The following ATXN10 variants were observed in gnomAD, a reference collection of about 807,000 sequenced individuals.
ATXN10 encodes ataxin-10.
Under a neutral mutation model 52.9 loss-of-function variants are expected in ATXN10, and 28 were observed. The ratio of observed to expected loss-of-function variants is 0.53; its 90% CI spans 0.39 to 0.73. The LOEUF is 0.73. Ranked by LOEUF, ATXN10 falls within the 30% of genes least tolerant of loss-of-function variation. The pLI, the probability that ATXN10 is intolerant of heterozygous loss-of-function variation, is 0.00. For synonymous variants in ATXN10, 226 were observed against 221.5 expected (o/e 1.02, Z -0.18); for missense variants, 565 against 577.0 (o/e 0.98, Z 0.21).
At chr22:45,760,094 A>C (rs1372147565) in intron 9 of ATXN10, among the ~76,000 whole-genome samples, 1 of 152,184 alleles carries the variant, frequency 6.6e-6, no homozygotes, top group Non-Finnish European at 1.5e-5. Context: ...CACAACGTGG[A>C]ACATCCTCCT....
In ATXN10 at chr22:45,775,271, G is replaced by T. The variant is rs1926910405; in HGVS notation, c.1174-31688G>T. ...GGAGGCTACTGGTCCTGGGCATGGG[G>T]CTGTGTCCCTGTCCCTGTGTTCACA... On this transcript the variant is annotated intron_variant, in intron 9 of 11. Coordinates refer to ENST00000252934, the MANE Select transcript of ATXN10 (RefSeq NM_013236.4). This position sits in a 1 kb window ranked among gnomAD's most constrained non-coding sequence, Gnocchi z 4.7. 1.3e-5 allele frequency among the ~76,000 whole-genome samples: 2 copies of T among 152,188 alleles called. No individual in the cohort carries two copies. The highest frequency in any genetic ancestry group is 4.8e-5 in the African/African-American group (2 of 41,450).
intron 7 of ATXN10, among the ~76,000 whole-genome samples, chr22:45,736,181 T>G (rs1366655510): frequency 1.3e-5 from 2 of 152,120 alleles, no homozygotes; most frequent in African/African-American, 4.8e-5. Flanking sequence ...AAGAAGAAAG[T>G]GTACTTATAC....
At position 45,718,617 on chromosome 22, in the gene ATXN10, T is replaced by C; in HGVS notation, c.728+124T>C. 1 of 911,610 alleles carries C rather than the reference T, an allele frequency of 1.1e-6. No homozygotes were observed. The highest frequency in any genetic ancestry group is 2.5e-5 in the East Asian group (1 of 40,004). 56.5% of individuals were successfully genotyped at this position (911,610 alleles called of 1,614,324 possible). On this transcript the variant is annotated intron_variant, in intron 6 of 11. Transcript: ENST00000252934. The surrounding 1 kb of genome is among the most constrained non-coding windows in gnomAD (Gnocchi z 4.4). Reference sequence around the variant, plus strand: ...AATCTCTAAATACATGTTTCTGTGTTGGTAATGGTTTTAAATTGGTTGGTT... The same window carrying C: ...AATCTCTAAATACATGTTTCTGTGTCGGTAATGGTTTTAAATTGGTTGGTT...
In ATXN10 at chr22:45,693,038, GT is replaced by G. The variant is rs774084163; in HGVS notation, c.354del (p.Arg119ValfsTer11). On this transcript the variant is annotated frameshift_variant, in exon 3 of 12. Transcript: ENST00000252934. LOFTEE classifies it high-confidence loss of function. The stretch of plus-strand genomic sequence containing the variant: ...GTGTTGCTGTTGATTTGATTCTTCT[GT>G]TTCGTGAACTGCGAGTGGAACAGGA... ...IGVAVDLILLFRELRVEQESL... is the reference protein window; with the variant it reads ...IGVAVDLILLXRELRVEQESL... The G allele has an allele frequency of 6.2e-7, 1 of 1,614,070 alleles. No individual in the cohort carries two copies. The highest frequency in any genetic ancestry group is 1.1e-5 in the South Asian group (1 of 91,072).
In ATXN10 at chr22:45,826,205, G is replaced by C. The variant is rs1465298316; in HGVS notation, c.1238-16786G>C. Among the ~76,000 whole-genome samples, 1 of 152,188 alleles carries C rather than the reference G, an allele frequency of 6.6e-6. No individual in the cohort carries two copies. The highest frequency in any genetic ancestry group is 1.5e-5 in the Non-Finnish European group (1 of 68,040). ...AATTTACTAGAAGGATTCGAAGACA[G>C]ATTTGAGCAGGGAGAAGGAAGCTAG... On this transcript the variant is annotated intron_variant, in intron 10 of 11. Transcript: ENST00000252934. This position sits in a 1 kb window ranked among gnomAD's most constrained non-coding sequence, Gnocchi z 5.0.
rs1423146293 is a variant in ATXN10 at position 45,805,379 on chromosome 22, C to T, written c.1174-1580C>T. 2.6e-5 allele frequency among the ~76,000 whole-genome samples: 4 copies of T among 152,168 alleles called. No individual in the cohort carries two copies. In the East Asian group the frequency reaches 7.7e-4, roughly 29 times the overall value. On this transcript the variant is annotated intron_variant, in intron 9 of 11. Transcript: ENST00000252934. This position sits in a 1 kb window ranked among gnomAD's most constrained non-coding sequence, Gnocchi z 4.4. ...ACCCAAGAACAATGAATACTTATAT[C>T]CACTCAAAAACATGTACATGCACAT...
At chr22:45,675,112 C>G (rs1423110590) in intron 1 of ATXN10, 2 of 152,198 alleles carry the variant, frequency 1.3e-5, no homozygotes, top group African/African-American at 2.4e-5. Context: ...TATTTAGGAC[C>G]TGTTATTAAA....
chr22:45,714,058 A>C (rs1275661140), intron 5 of ATXN10, among the ~76,000 whole-genome samples: 1 of 152,174 alleles, frequency 6.6e-6, no homozygotes, highest in Non-Finnish European at 1.5e-5. Flanking sequence ...TTTGACAAAC[A>C]CTTCAGGTTG....
chr22:45,797,533 A>G (rs763453727), intron 9 of ATXN10, among the ~76,000 whole-genome samples: 7 of 152,226 alleles, frequency 4.6e-5, no homozygotes, highest in Non-Finnish European at 8.8e-5. Flanking sequence ...TGGCATACCT[A>G]AATTGTAAGA....
chr22:45,748,015 G>A (rs9614513), intron 9 of ATXN10, among the ~76,000 whole-genome samples: 403 of 152,034 alleles, frequency 2.7e-3, no homozygotes, highest in Non-Finnish European at 4.9e-3. Flanking sequence ...CCTGGGCAAC[G>A]TAATAAGACC....
chr22:45,831,453 CA>C (rs1369968713), intron 10 of ATXN10, among the ~76,000 whole-genome samples: 7 of 152,092 alleles, frequency 4.6e-5, no homozygotes, highest in Admixed American at 2.0e-4. Context: ...AGATCCTCAT[CA>C]GGGGCCTGAG....
At position 45,842,930 on chromosome 22, in the gene ATXN10, T is replaced by A; in HGVS notation, c.1238-61T>A. On this transcript the variant is annotated intron_variant, in intron 10 of 11. Transcript: ENST00000252934. This position sits in a 1 kb window ranked among gnomAD's most constrained non-coding sequence, Gnocchi z 4.8. ...TGCTCCTCTACTCCTTTTCTGATAA[T>A]TCTTATGTGAAGTTATCAAACAGGA... 1 of 1,547,142 alleles carries A rather than the reference T, an allele frequency of 6.5e-7. No individual in the cohort carries two copies.
intron 9 of ATXN10, among the ~76,000 whole-genome samples, chr22:45,742,781 A>G (rs1601618247): frequency 6.6e-6 from 1 of 152,342 alleles, no homozygotes; most frequent in East Asian, 1.9e-4. Flanking sequence ...CTTTTAGTAT[A>G]TGGGCGCACC....
In ATXN10 at chr22:45,754,645, G is replaced by T. The variant is rs1387611604; in HGVS notation, c.1173+14107G>T. On this transcript the variant is annotated intron_variant, in intron 9 of 11. Transcript: ENST00000252934. The surrounding 1 kb of genome is among the most constrained non-coding windows in gnomAD (Gnocchi z 5.4). The stretch of plus-strand genomic sequence containing the variant: ...AGGCCAGCGGATCACCTGAGGTCAG[G>T]AGTTCGAGACCAGTCTGACCAACAT... 6.6e-6 allele frequency among the ~76,000 whole-genome samples: 1 copy of T among 152,182 alleles called. No individual in the cohort carries two copies. Among genetic ancestry groups the T allele is most frequent in the Non-Finnish European group, 1.5e-5 (1 of 68,040 alleles).
At chr22:45,742,654 G>A (rs1925581364) in intron 9 of ATXN10, among the ~76,000 whole-genome samples, 1 of 151,914 alleles carries the variant, frequency 6.6e-6, no homozygotes, top group African/African-American at 2.4e-5. Context: ...GAGAAAGATT[G>A]AAAATAAAAC....
rs1926601619 is a variant in ATXN10, at chr22:45,766,897, G to C, written c.1173+26359G>C. Reference sequence around the variant, plus strand: ...CAGAAAAACGCAAAGGTGAAACAGTGCTCAACTTTGCTCATAAAAAGAAAA... The same window carrying C: ...CAGAAAAACGCAAAGGTGAAACAGTCCTCAACTTTGCTCATAAAAAGAAAA... On this transcript the variant is annotated intron_variant, in intron 9 of 11. Coordinates refer to ENST00000252934, the MANE Select transcript of ATXN10 (RefSeq NM_013236.4). This position sits in a 1 kb window ranked among gnomAD's most constrained non-coding sequence, Gnocchi z 4.6. 6.6e-6 allele frequency among the ~76,000 whole-genome samples: 1 copy of C among 152,172 alleles called. No individual in the cohort carries two copies.
At chr22:45,831,623 C>G (rs1202373199) in intron 10 of ATXN10, among the ~76,000 whole-genome samples, 1 of 152,108 alleles carries the variant, frequency 6.6e-6, no homozygotes, top group African/African-American at 2.4e-5. Context: ...ATATTTTTAT[C>G]TTCATTTTAT....
intron 8 of ATXN10, 55 bp downstream of exon 8, chr22:45,738,894 A>G: frequency 7.1e-7 from 1 of 1,404,732 alleles, no homozygotes; most frequent in Non-Finnish European, 1.0e-6. Flanking sequence ...GGCTTGTCAT[A>G]CTGTAATATA....
At position 45,789,735 on chromosome 22, in the gene ATXN10, G is replaced by T. The variant is rs1282222120; in HGVS notation, c.1174-17224G>T. 1.3e-5 allele frequency among the ~76,000 whole-genome samples: 2 copies of T among 152,204 alleles called. No individual in the cohort carries two copies. The highest frequency in any genetic ancestry group is 2.9e-5 in the Non-Finnish European group (2 of 68,038). Reference sequence around the variant, plus strand: ...CTTTGGCCGTTAGGGATGTAGGAGTGTGTCCTTCCTTTGGAGAGAAGCTCA... The same window carrying T: ...CTTTGGCCGTTAGGGATGTAGGAGTTTGTCCTTCCTTTGGAGAGAAGCTCA... On this transcript the variant is annotated intron_variant, in intron 9 of 11. Coordinates refer to ENST00000252934, the MANE Select transcript of ATXN10 (RefSeq NM_013236.4). This position sits in a 1 kb window ranked among gnomAD's most constrained non-coding sequence, Gnocchi z 4.0.
Sources: allele counts gnomAD v4.1 joint callset (sites outside exome capture counted in the v4.1 genomes callset), GRCh38; gene constraint gnomAD v4.1.1; non-coding constraint Gnocchi (gnomAD v3.1); transcripts MANE v1.5; gene names NCBI Gene and HGNC (gene_info 2026-07-23, HGNC 2026-07-21).